The following POLA2 variants were observed in gnomAD, a reference collection of about 807,000 sequenced individuals.
POLA2 encodes DNA polymerase alpha 2, accessory subunit.
POLA2 carries 47 observed loss-of-function variants against 82.8 expected under a neutral mutation model. The observed-to-expected ratio is 0.57, with a 90% CI of 0.45 to 0.72. POLA2 has a LOEUF of 0.72. Ranked by LOEUF, POLA2 falls within the 30% of genes least tolerant of loss-of-function variation. The pLI, the probability that POLA2 is intolerant of heterozygous loss-of-function variation, is 0.00. For synonymous variants in POLA2, 287 were observed against 286.8 expected (o/e 1.00, Z -0.01); for missense variants, 634 against 728.1 (o/e 0.87, Z 1.49).
At chr11:65,284,244 G>A (rs1379025012) in intron 10 of POLA2, among the ~76,000 whole-genome samples, 3 of 152,158 alleles carry the variant, frequency 2.0e-5, no homozygotes, top group African/African-American at 4.8e-5. Flanking sequence ...GGAGGCCAAG[G>A]TGAGAGAATT....
In POLA2 at chr11:65,290,274, G is replaced by A. The variant is rs1485343420; in HGVS notation, c.1244+402G>A. On this transcript the variant is annotated intron_variant, in intron 13 of 17. Coordinates refer to ENST00000265465, the MANE Select transcript of POLA2 (RefSeq NM_002689.4). ...AAAAAAAAAAAAAAAAAAAAGCTGG[G>A]CGTGGTGGCTCACGCACTTTGGGAG... 2.0e-5 allele frequency among the ~76,000 whole-genome samples: 3 copies of A among 148,376 alleles called. 1 individual carries two copies. The highest frequency in any genetic ancestry group is 5.0e-5 in the African/African-American group (2 of 39,970).
rs144846742 is a variant in POLA2 at position 65,295,927 on chromosome 11, C to T, written c.1584C>T (p.Tyr528=). 3.3e-4 allele frequency: 531 copies of T among 1,613,414 alleles called. 1 individual carries two copies. Among genetic ancestry groups the T allele is most frequent in the East Asian group, 2.7e-3 (123 of 44,832 alleles). The part of the protein sequence containing the change: ...MAIDYESFYV[Y]AQLPVTPDVL... ...TTGACTATGAGTCGTTCTATGTTTA[C>T]GCACAGCTGCCTGTCACCCCAGATG... Residue 528 remains tyrosine, a synonymous_variant, in exon 17 of 18, where the codon TAC becomes TAT. Transcript: ENST00000265465.
At position 65,262,270 on chromosome 11, in the gene POLA2, C is replaced by T. The variant is rs1358652911; in HGVS notation, c.-23C>T. ...AGGTCGGAGCTGGGTGGGCCGGCTC[C>T]CCGGCCCCTGGCTTGGGCGACCATG... On this transcript the variant is annotated 5_prime_UTR_variant, in exon 1 of 18. Coordinates refer to ENST00000265465, the MANE Select transcript of POLA2 (RefSeq NM_002689.4). The T allele has an allele frequency of 2.5e-6, 4 of 1,601,264 alleles. No homozygotes were observed. Among genetic ancestry groups the T allele is most frequent in the South Asian group, 1.1e-5 (1 of 89,942 alleles).
In POLA2 at chr11:65,268,663, T is replaced by C. The variant is rs1949489274; in HGVS notation, c.297-9T>C. The C allele has an allele frequency of 1.3e-6, 2 of 1,581,564 alleles. No homozygotes were observed. Among genetic ancestry groups the C allele is most frequent in the South Asian group, 1.1e-5 (1 of 88,508 alleles). ...AGCCATTATTGTTTTTCTTAACCAG[T>C]GTTCTTAGAATTGAAGTGGAAGAAG... is the stretch of plus-strand genomic sequence containing the variant. On this transcript the variant is annotated splice_polypyrimidine_tract_variant and intron_variant, in intron 3 of 17. Transcript: ENST00000265465.
At chr11:65,275,367 A>G (rs1949565816) in intron 4 of POLA2, among the ~76,000 whole-genome samples, 1 of 70,342 alleles carries the variant, frequency 1.4e-5, no homozygotes, top group Non-Finnish European at 2.7e-5. Context: ...TTGATGAGTC[A>G]AAAAAAAAAA....
rs562344442 is a variant in POLA2 at position 65,304,390 on chromosome 11, T to C, written c.657-983T>C. ...ACCCATGAACTTAACCATCCATCTT[T>C]TCATCCATCCATCAACCCACCCATC... On this transcript the variant is annotated intron_variant, in intron 8 of 8. Transcript: ENST00000525924. Among the ~76,000 whole-genome samples, 26 of 151,142 alleles carry C rather than the reference T, an allele frequency of 1.7e-4. No individual in the cohort carries two copies. In the South Asian group the frequency reaches 2.3e-3, roughly 13 times the overall value.
chr11:65,266,507 G>T, intron 1 of POLA2, 75 bp from the exon 2 acceptor site: 1 of 1,480,128 alleles, frequency 6.8e-7, no homozygotes, highest in South Asian at 1.2e-5. Context: ...AGTAAACCAG[G>T]ATTATTTTTG....
intron 5 of POLA2, among the ~76,000 whole-genome samples, 157 bp downstream of exon 5, chr11:65,276,155 C>T (rs1949577188): frequency 6.6e-6 from 1 of 152,178 alleles, no homozygotes; most frequent in Admixed American, 6.5e-5. Flanking sequence ...CTCTGCCTTC[C>T]TTGCTCTCCT....
At position 65,297,334 on chromosome 11, in the gene POLA2, T is replaced by C. The variant is rs1949822795; in HGVS notation, c.*65T>C. ...AAAGTCTTAGCCAAGAGCCAAGACA[T>C]AGCCCTGTGACAAGGTGAACAGTTG... is the stretch of plus-strand genomic sequence containing the variant. On this transcript the variant is annotated 3_prime_UTR_variant, in exon 18 of 18. Coordinates refer to ENST00000265465, the MANE Select transcript of POLA2 (RefSeq NM_002689.4). 3.4e-6 allele frequency: 5 copies of C among 1,492,104 alleles called. No individual in the cohort carries two copies. The Admixed American group carries it at 9.2e-5, about 28-fold the overall frequency. 92.4% of individuals were successfully genotyped at this position (1,492,104 alleles called of 1,614,324 possible).
intron 6 of POLA2, 71 bp downstream of exon 6, chr11:65,278,994 C>T: frequency 7.2e-7 from 1 of 1,380,378 alleles, no homozygotes; most frequent in Non-Finnish European, 1.0e-6. Flanking sequence ...AACAAAGCTT[C>T]AGCTAGGCTG....
At chr11:65,272,173 ATGG>A (rs1233817870) in intron 4 of POLA2, among the ~76,000 whole-genome samples, 2 of 152,054 alleles carry the variant, frequency 1.3e-5, no homozygotes, top group African/African-American at 4.8e-5. Flanking sequence ...GCTAGGCATG[ATGG>A]TGGGTGTCTG....
At chr11:65,301,561 G>A (rs1404199594), downstream of POLA2, among the ~76,000 whole-genome samples, 1 of 152,132 alleles carries the variant, frequency 6.6e-6, no homozygotes, top group Non-Finnish European at 1.5e-5. Flanking sequence ...AGATGTGGGA[G>A]TCACTGCAGT....
chr11:65,274,696 AAATGT>A (rs2137523335), intron 4 of POLA2, among the ~76,000 whole-genome samples: 1 of 152,276 alleles, frequency 6.6e-6, no homozygotes, highest in African/African-American at 2.4e-5. Flanking sequence ...AAAAGATTAA[AAATGT>A]AACAGTGTGG....
At chr11:65,281,855 G>A (rs915433430) in intron 9 of POLA2, 123 bp downstream of exon 9, 55 of 795,402 alleles carry the variant, frequency 6.9e-5, no homozygotes, top group Non-Finnish European at 1.2e-4. Context: ...TTCTCCATCT[G>A]TAAGTGGGAA....
chr11:65,263,109 C>G (rs754241299), intron 1 of POLA2, among the ~76,000 whole-genome samples: 46 of 151,926 alleles, frequency 3.0e-4, no homozygotes, highest in Non-Finnish European at 5.6e-4. Flanking sequence ...CCACTCAACA[C>G]TTTGAACTTC....
At chr11:65,274,322 G>C (rs765045262) in intron 4 of POLA2, among the ~76,000 whole-genome samples, 1 of 150,346 alleles carries the variant, frequency 6.7e-6, no homozygotes, top group Non-Finnish European at 1.5e-5. Flanking sequence ...AGCCGAGATC[G>C]CACATCGCAC....
chr11:65,290,548 C>A (rs1949744320), intron 13 of POLA2, among the ~76,000 whole-genome samples: 1 of 152,130 alleles, frequency 6.6e-6, no homozygotes, highest in African/African-American at 2.4e-5. Context: ...AAAAAAAAAT[C>A]ATGGCAGTTC....
intron 4 of POLA2, among the ~76,000 whole-genome samples, chr11:65,274,891 C>T (rs1010843504): frequency 2.0e-5 from 3 of 152,110 alleles, no homozygotes; most frequent in African/African-American, 4.8e-5. Flanking sequence ...CATGAGGTCT[C>T]GCCGTTGCCC....
intron 15 of POLA2, 160 bp downstream of exon 15, chr11:65,294,812 C>T: frequency 1.9e-6 from 1 of 533,604 alleles, no homozygotes; most frequent in Non-Finnish European, 3.3e-6. Context: ...TTTCTCTGTA[C>T]CCAAGGGGAG....
Sources: gnomAD v4.1 joint callset for allele counts (sites outside exome capture counted in the v4.1 genomes callset) on GRCh38, gnomAD v4.1.1 for gene constraint, MANE v1.5 for transcripts, NCBI Gene and HGNC (gene_info 2026-07-23, HGNC 2026-07-21) for gene names.